MCC: variants seen among roughly 807,000 people sequenced by gnomAD.
MCC encodes MCC regulator of Wnt signaling pathway, also known as colorectal mutant cancer protein.
Under a neutral mutation model 116.2 loss-of-function variants are expected in MCC, and 90 were observed. That is an observed-to-expected ratio of 0.77 (90% CI 0.65 to 0.92). MCC has a LOEUF of 0.92. Among genes scored for constraint, MCC ranks in the 40% least tolerant of loss-of-function variants. MCC has a pLI of 0.00. For synonymous variants in MCC, 578 were observed against 510.5 expected (o/e 1.13, Z -1.78); for missense variants, 1,516 against 1,312.2 (o/e 1.16, Z -2.40).
At chr5:113,482,718 G>C (rs1772411080) in intron 1 of MCC, among the ~76,000 whole-genome samples, 1 of 151,988 alleles carries the variant, frequency 6.6e-6, no homozygotes, top group African/African-American at 2.4e-5. Flanking sequence ...TCACTCTTTT[G>C]ATAGTGTTTT....
At chr5:113,250,232 G>C (rs1764745062) in intron 3 of MCC, among the ~76,000 whole-genome samples, 1 of 152,230 alleles carries the variant, frequency 6.6e-6, no homozygotes, top group Admixed American at 6.5e-5. Flanking sequence ...CAACCATTAT[G>C]TCTGAGGACA....
At chr5:113,161,159 G>A (rs1398914803) in intron 3 of MCC, among the ~76,000 whole-genome samples, 2 of 152,084 alleles carry the variant, frequency 1.3e-5, no homozygotes, top group African/African-American at 4.8e-5. Context: ...AAGGGTTTTT[G>A]GAAAGAAACA....
chr5:113,453,269 G>A (rs566372449), intron 1 of MCC, among the ~76,000 whole-genome samples: 1 of 151,792 alleles, frequency 6.6e-6, no homozygotes, highest in African/African-American at 2.4e-5. Context: ...ACTTCTCTGG[G>A]CCCCAGCTTG....
At chr5:113,390,783 T>C (rs1050506671) in intron 1 of MCC, among the ~76,000 whole-genome samples, 6 of 152,258 alleles carry the variant, frequency 3.9e-5, no homozygotes, top group African/African-American at 1.4e-4. Flanking sequence ...ATTTAAGTAG[T>C]AGGTTGCATG....
In MCC at chr5:113,093,469, ATCTCTCTC is replaced by A. The variant is rs144701142; in HGVS notation, c.1399-8167_1399-8160del. Among the ~76,000 whole-genome samples, 7 of 149,294 alleles carry A rather than the reference ATCTCTCTC, an allele frequency of 4.7e-5. No homozygotes were observed. The South Asian group carries it at 1.1e-3, about 23-fold the overall frequency. The stretch of plus-strand genomic sequence containing the variant: ...ATCTATCTTATCTATCTATCTGTTG[ATCTCTCTC>A]TCTCTCTCTCTCTCAATCAATCCAA... On this transcript the variant is annotated intron_variant, in intron 8 of 18. Transcript: ENST00000408903.
chr5:113,328,806 C>G (rs1409382275), intron 3 of MCC, among the ~76,000 whole-genome samples: 2 of 152,154 alleles, frequency 1.3e-5, no homozygotes, highest in Non-Finnish European at 2.9e-5. Context: ...AGGCTATCCC[C>G]AGAACAGTCT....
chr5:113,404,971 C>A (rs1769789998), intron 1 of MCC, among the ~76,000 whole-genome samples: 1 of 152,170 alleles, frequency 6.6e-6, no homozygotes, highest in African/African-American at 2.4e-5. Flanking sequence ...AAAAGAGGAC[C>A]ATGTCTGGAG....
At chr5:113,369,167 C>A (rs528743809) in intron 2 of MCC, among the ~76,000 whole-genome samples, 12 of 151,960 alleles carry the variant, frequency 7.9e-5, no homozygotes, top group African/African-American at 2.9e-4. Flanking sequence ...TATCACTGAC[C>A]ATTGGTGATC....
chr5:113,263,306 G>A (rs1051092740), intron 3 of MCC, among the ~76,000 whole-genome samples: 2 of 152,158 alleles, frequency 1.3e-5, no homozygotes, highest in South Asian at 2.1e-4. Flanking sequence ...AATGGAAGCC[G>A]AAGGAAGAAG....
chr5:113,069,297 G>A (rs969218667), intron 12 of MCC, among the ~76,000 whole-genome samples: 4 of 152,230 alleles, frequency 2.6e-5, no homozygotes, highest in Non-Finnish European at 5.9e-5. Context: ...GGATTTCTAG[G>A]AGGAGGAAAC....
intron 8 of MCC, among the ~76,000 whole-genome samples, chr5:113,100,812 A>T (rs1756360106): frequency 6.6e-6 from 1 of 152,190 alleles, no homozygotes. Context: ...TGTGTACAAA[A>T]TTAGCAGTCA....
At chr5:113,139,156 C>G (rs958170843) in intron 5 of MCC, among the ~76,000 whole-genome samples, 1 of 152,114 alleles carries the variant, frequency 6.6e-6, no homozygotes, top group Non-Finnish European at 1.5e-5. Context: ...AAGCCCACTT[C>G]GACTCTGTTT....
In MCC at chr5:113,326,478, G is replaced by A. The variant is rs182918725; in HGVS notation, c.627+14041C>T. On this transcript the variant is annotated intron_variant, in intron 3 of 18. Transcript: ENST00000408903. ...AGGCCAAATGCTGTGTCTTCATATA[G>A]CAGAAGAGATGGAAGGCCAAAAGGC... 8.2e-4 allele frequency among the ~76,000 whole-genome samples: 125 copies of A among 152,284 alleles called. No individual in the cohort carries two copies. The East Asian group carries it at 0.022, about 27-fold the overall frequency.
chr5:113,372,742 A>G (rs1208610939), intron 2 of MCC, among the ~76,000 whole-genome samples: 2 of 152,172 alleles, frequency 1.3e-5, no homozygotes, highest in African/African-American at 4.8e-5. Flanking sequence ...CCCAGGCTGG[A>G]GCGCAGTGGT....
intron 3 of MCC, among the ~76,000 whole-genome samples, chr5:113,301,623 A>T (rs1257244358): frequency 6.6e-6 from 1 of 152,204 alleles, no homozygotes; most frequent in African/African-American, 2.4e-5. Flanking sequence ...TGAACAGGTC[A>T]GACAAGGCCT....
At chr5:113,282,944 T>G (rs1387319703) in intron 3 of MCC, among the ~76,000 whole-genome samples, 1 of 152,220 alleles carries the variant, frequency 6.6e-6, no homozygotes, top group African/African-American at 2.4e-5. Context: ...AATCACATGT[T>G]GGTGGAAAAC....
At chr5:113,308,026 G>T (rs1333676501) in intron 3 of MCC, among the ~76,000 whole-genome samples, 1 of 150,950 alleles carries the variant, frequency 6.6e-6, no homozygotes, top group Non-Finnish European at 1.5e-5. Context: ...AGGCTGGAGT[G>T]CAGTGGCACG....
chr5:113,434,109 T>G lies in MCC; in HGVS notation c.171-48897A>C, dbSNP rs1333153247. 6.2e-7 allele frequency: 1 copy of G among 1,614,232 alleles called. No homozygotes were observed. The highest frequency in any genetic ancestry group is 1.7e-5 in the Admixed American group (1 of 60,034). On this transcript the variant is annotated intron_variant, in intron 1 of 18. Transcript: ENST00000408903. The surrounding 1 kb of genome is among the most constrained non-coding windows in gnomAD (Gnocchi z 4.2). ...CATGTGGTAGATGAGGTCCTTGCAC[T>G]CGCCTGTCAGGTGCTTGGAGCGTGG...
At position 113,434,674 on chromosome 5, in the gene MCC, A is replaced by G; in HGVS notation, c.171-49462T>C. 6.2e-7 allele frequency: 1 copy of G among 1,613,894 alleles called. No individual in the cohort carries two copies. The highest frequency in any genetic ancestry group is 1.1e-5 in the South Asian group (1 of 91,066). ...AGAATCTCAATTTCCCGGGGAAGGA[A>G]TTTCTCCAAGAAGTCTGCGGGGGCC... is the stretch of plus-strand genomic sequence containing the variant. On this transcript the variant is annotated intron_variant, in intron 1 of 18. Transcript: ENST00000408903. This position sits in a 1 kb window ranked among gnomAD's most constrained non-coding sequence, Gnocchi z 4.2.
Sources: gnomAD v4.1 joint callset for allele counts (sites outside exome capture counted in the v4.1 genomes callset) on GRCh38, gnomAD v4.1.1 for gene constraint, Gnocchi (gnomAD v3.1) non-coding constraint, MANE v1.5 for transcripts, NCBI Gene and HGNC (gene_info 2026-07-23, HGNC 2026-07-21) for gene names.